The following PCOLCE2 variants were observed in gnomAD, a reference collection of about 807,000 sequenced individuals.
PCOLCE2 encodes the protein procollagen C-proteinase enhancer 2.
Under a neutral mutation model 47.0 loss-of-function variants are expected in PCOLCE2, and 42 were observed. That is an observed-to-expected ratio of 0.89 (90% CI 0.70 to 1.16). PCOLCE2 has a LOEUF of 1.16. Ranked by LOEUF, PCOLCE2 falls within the 50% of genes most tolerant of loss-of-function variation. The pLI, the probability that PCOLCE2 is intolerant of heterozygous loss-of-function variation, is 0.00. For missense variants in PCOLCE2, 500 were observed against 526.1 expected (o/e 0.95, Z 0.49); for synonymous variants, 169 against 191.7 (o/e 0.88, Z 0.98).
chr3:142,838,236 G>A (rs1271578715), intron 5 of PCOLCE2, among the ~76,000 whole-genome samples: 1 of 152,036 alleles, frequency 6.6e-6, no homozygotes, highest in Admixed American at 6.5e-5. Flanking sequence ...TTTTTTGGTG[G>A]TGCTGACTCC....
intron 2 of PCOLCE2, among the ~76,000 whole-genome samples, chr3:142,851,030 C>T (rs528769035): frequency 9.9e-5 from 15 of 152,032 alleles, no homozygotes; most frequent in Non-Finnish European, 1.6e-4. Flanking sequence ...GACAGTTTTG[C>T]CCAATGACAG....
chr3:142,864,685 C>T (rs1933246967), intron 2 of PCOLCE2, among the ~76,000 whole-genome samples: 1 of 152,236 alleles, frequency 6.6e-6, no homozygotes. Flanking sequence ...CACCCACAGC[C>T]TCAAGCAAGC....
At chr3:142,863,250 G>T (rs1560138579) in intron 2 of PCOLCE2, among the ~76,000 whole-genome samples, 1 of 152,162 alleles carries the variant, frequency 6.6e-6, no homozygotes, top group Non-Finnish European at 1.5e-5. Flanking sequence ...GATAGCTTCA[G>T]GGTTTCAAGC....
At chr3:142,826,445 G>A (rs1167522031) in intron 6 of PCOLCE2, among the ~76,000 whole-genome samples, 1 of 152,138 alleles carries the variant, frequency 6.6e-6, no homozygotes, top group African/African-American at 2.4e-5. Flanking sequence ...CCGACCTGAA[G>A]TCATGCCTTC....
intron 2 of PCOLCE2, among the ~76,000 whole-genome samples, chr3:142,883,192 C>A (rs1933658292): frequency 8.9e-6 from 1 of 112,068 alleles, no homozygotes; most frequent in Non-Finnish European, 1.9e-5. Context: ...GAGCGAGACT[C>A]CGTCTCAAAA....
intron 2 of PCOLCE2, among the ~76,000 whole-genome samples, chr3:142,862,273 C>T (rs898660964): frequency 6.6e-6 from 1 of 152,180 alleles, no homozygotes; most frequent in Non-Finnish European, 1.5e-5. Flanking sequence ...AAACCAGGTG[C>T]CTCCAGCTCC....
At chr3:142,885,185 G>C (rs2581637) in intron 2 of PCOLCE2, among the ~76,000 whole-genome samples, 125,529 of 152,234 alleles carry the variant, frequency 0.82, 52,394 homozygotes, top group African/African-American at 0.96. Context: ...TCCCATTCTT[G>C]CATTGATATG....
intron 4 of PCOLCE2, among the ~76,000 whole-genome samples, chr3:142,841,352 T>C (rs1330525145): frequency 1.3e-5 from 2 of 152,066 alleles, no homozygotes; most frequent in African/African-American, 4.8e-5. Flanking sequence ...AAAAATCACA[T>C]TAAAATCAAA....
At position 142,826,181 on chromosome 3, in the gene PCOLCE2, A is replaced by AT. The variant is rs554415482; in HGVS notation, c.866-2567dup. Among the ~76,000 whole-genome samples, 71 of 151,350 alleles carry AT rather than the reference A, an allele frequency of 4.7e-4. 1 individual carries two copies. The highest frequency in any genetic ancestry group is 3.4e-3 in the Middle Eastern group (1 of 294). The stretch of plus-strand genomic sequence containing the variant: ...CACCACGCCCGGCTAATTTTTTTGT[A>AT]TTTTTTTAGTAGAGGCGGGGTTTCA... On this transcript the variant is annotated intron_variant, in intron 6 of 8. Coordinates refer to ENST00000295992, the MANE Select transcript of PCOLCE2 (RefSeq NM_013363.4).
chr3:142,836,855 A>C (rs551698501), intron 5 of PCOLCE2, among the ~76,000 whole-genome samples: 2 of 152,290 alleles, frequency 1.3e-5, no homozygotes, highest in South Asian at 4.1e-4. Flanking sequence ...AAAAAGGAGG[A>C]GGTCCAAAGG....
At chr3:142,888,024 C>G (rs1164003738) in intron 1 of PCOLCE2, among the ~76,000 whole-genome samples, 4 of 152,190 alleles carry the variant, frequency 2.6e-5, no homozygotes, top group Non-Finnish European at 5.9e-5. Flanking sequence ...TATGTATAAT[C>G]AAGTCCTCGG....
chr3:142,827,081 T>C (rs1937088259), intron 6 of PCOLCE2: 6 of 1,280,714 alleles, frequency 4.7e-6, no homozygotes, highest in South Asian at 2.4e-5. Context: ...ACAAACTTTA[T>C]TGAGCCCCTT....
chr3:142,878,852 CA>C (rs938399103), intron 2 of PCOLCE2, among the ~76,000 whole-genome samples: 96 of 136,372 alleles, frequency 7.0e-4, no homozygotes, highest in East Asian at 1.3e-3. Context: ...GACTTTGTCT[CA>C]AAAAAAAAAA....
At position 142,826,838 on chromosome 3, in the gene PCOLCE2, C is replaced by A. The variant is rs146062582; in HGVS notation, c.865+2854G>T. 2.7e-3 allele frequency among the ~76,000 whole-genome samples: 410 copies of A among 152,254 alleles called. 4 individuals carry two copies. Among genetic ancestry groups the A allele is most frequent in the African/African-American group, 9.4e-3 (391 of 41,526 alleles). On this transcript the variant is annotated intron_variant, in intron 6 of 8. Coordinates refer to ENST00000295992, the MANE Select transcript of PCOLCE2 (RefSeq NM_013363.4). ...CTTACCACTCCCTTTTGTAACATTC[C>A]CTTCCACGGCTTTCACCACACATCC...
Position 142,869,290 on chromosome 3 carries a change from C to CA in PCOLCE2, c.192+18378dup, listed in dbSNP as rs767538601. ...TGGGCGACAGAGTGAGACTCTGTCT[C>CA]AAAAAAAAAAACCAAAAAAAACAGA... is the stretch of plus-strand genomic sequence containing the variant. On this transcript the variant is annotated intron_variant, in intron 2 of 8. Transcript: ENST00000295992. 4.9e-3 allele frequency among the ~76,000 whole-genome samples: 587 copies of CA among 119,564 alleles called. 2 individuals are homozygous for CA. The highest frequency in any genetic ancestry group is 8.7e-3 in the Admixed American group (101 of 11,586). The allele number at this position is 119,564 out of a possible 152,430, so 78.4% of individuals were successfully genotyped here.
At chr3:142,865,156 G>GTTT (rs61667058) in intron 2 of PCOLCE2, among the ~76,000 whole-genome samples, 5 of 142,950 alleles carry the variant, frequency 3.5e-5, no homozygotes, top group African/African-American at 1.3e-4. Flanking sequence ...TATTCTCTGT[G>GTTT]TTTTTTTTTT....
intron 8 of PCOLCE2, among the ~76,000 whole-genome samples, chr3:142,819,182 T>C (rs571412746): frequency 6.6e-5 from 10 of 152,352 alleles, no homozygotes; most frequent in Non-Finnish European, 1.2e-4. Context: ...AGAGTACTTA[T>C]ATTGGTTATA....
chr3:142,828,017 ACT>A (rs1171058856), intron 6 of PCOLCE2, among the ~76,000 whole-genome samples: 1 of 151,402 alleles, frequency 6.6e-6, no homozygotes, highest in East Asian at 1.9e-4. Context: ...TCATCTCTTG[ACT>A]CTCTCTGAAT....
rs1234529796 is a variant in PCOLCE2 at position 142,823,459 on chromosome 3, G to A, written c.949+73C>T. On this transcript the variant is annotated intron_variant, in intron 7 of 8. Transcript: ENST00000295992. ...TTGACCCTTCACCATAAATTCATAG[G>A]AATTCCTTTGAGATTAAGCATGCAG... The A allele has an allele frequency of 3.4e-6, 3 of 871,930 alleles. No homozygotes were observed. In the African/African-American group the frequency reaches 5.0e-5, roughly 15 times the overall value. 54.0% of individuals were successfully genotyped at this position (871,930 alleles called of 1,614,324 possible).
Sources: gnomAD v4.1 joint callset for allele counts (sites outside exome capture counted in the v4.1 genomes callset) on GRCh38, gnomAD v4.1.1 for gene constraint, MANE v1.5 for transcripts, NCBI Gene and HGNC (gene_info 2026-07-23, HGNC 2026-07-21) for gene names.